TSPAN12: variants seen among roughly 807,000 people sequenced by gnomAD.
TSPAN12 encodes tetraspanin 12.
A neutral mutation model predicts 39.2 loss-of-function variants in TSPAN12; 19 were observed. The ratio of observed to expected loss-of-function variants is 0.49; its 90% CI spans 0.34 to 0.71. The LOEUF is 0.71. Ranked by LOEUF, TSPAN12 falls within the 30% of genes least tolerant of loss-of-function variation. The pLI, the probability that TSPAN12 is intolerant of heterozygous loss-of-function variation, is 0.01. For synonymous variants in TSPAN12, 119 were observed against 124.8 expected (o/e 0.95, Z 0.31); for missense variants, 314 against 359.9 (o/e 0.87, Z 1.03).
At chr7:120,853,493 T>TATATATATATATATAC (rs10639551) in intron 2 of TSPAN12, among the ~76,000 whole-genome samples, 1 of 145,918 alleles carries the variant, frequency 6.9e-6, no homozygotes, top group Admixed American at 6.9e-5. Context: ...TATATATATA[T>TATATATATATATATAC]ACACACACAT....
intron 1 of TSPAN12, chr7:120,857,137 G>C (rs539789682): frequency 1.7e-4 from 61 of 368,708 alleles, no homozygotes; most frequent in African/African-American, 1.2e-3. Context: ...GCATTCTGAT[G>C]AGACGCTCTT....
chr7:120,811,544 C>T (rs1012673382), intron 5 of TSPAN12, among the ~76,000 whole-genome samples: 1 of 150,028 alleles, frequency 6.7e-6, no homozygotes, highest in Non-Finnish European at 1.5e-5. Flanking sequence ...GTGGCGGGTG[C>T]CTGTAGTCCC....
chr7:120,809,654 G>T (rs1307873522), intron 6 of TSPAN12, among the ~76,000 whole-genome samples: 1 of 152,138 alleles, frequency 6.6e-6, no homozygotes, highest in Non-Finnish European at 1.5e-5. Flanking sequence ...ATCCATCTGG[G>T]AATGTCACTT....
intron 2 of TSPAN12, among the ~76,000 whole-genome samples, chr7:120,846,313 TAC>T (rs2116488819): frequency 6.6e-6 from 1 of 152,338 alleles, no homozygotes; most frequent in Admixed American, 6.5e-5. Context: ...AAAATTATTT[TAC>T]AGTTATAAAA....
At chr7:120,804,031 A>G (rs1163493961) in intron 7 of TSPAN12, among the ~76,000 whole-genome samples, 1 of 152,166 alleles carries the variant, frequency 6.6e-6, no homozygotes, top group African/African-American at 2.4e-5. Flanking sequence ...TCTCATGATC[A>G]ATAGTAGTTA....
At chr7:120,826,361 A>G (rs1217482863) in intron 4 of TSPAN12, among the ~76,000 whole-genome samples, 1 of 152,164 alleles carries the variant, frequency 6.6e-6, no homozygotes, top group Non-Finnish European at 1.5e-5. Flanking sequence ...AAAACATCGG[A>G]GCACACTAGA....
intron 1 of TSPAN12, chr7:120,857,038 C>A (rs1272385881): frequency 1.9e-6 from 1 of 539,902 alleles, no homozygotes; most frequent in Non-Finnish European, 3.3e-6. Context: ...TCAGATAACA[C>A]CTGCTGGGAA....
intron 2 of TSPAN12, among the ~76,000 whole-genome samples, chr7:120,848,753 T>C (rs1414604669): frequency 6.6e-6 from 1 of 152,190 alleles, no homozygotes; most frequent in African/African-American, 2.4e-5. Flanking sequence ...ATAAAATGGC[T>C]TTTTCTCAAG....
rs752819603 is a variant in TSPAN12, at chr7:120,838,783, A to G, written c.279T>C (p.Leu93=). Residue 93 remains leucine (L), a synonymous_variant, in exon 4 of 8, where the codon CTT becomes CTC. Transcript: ENST00000222747. ...CGTVKRNLLL[L]AWYFGSLLVI... is the part of the protein sequence containing the mutation. ...AGAAAATATAACATCATACCCATGC[A>G]AGAAGCAACAGATTTCTTTTCACCG... 7 of 1,613,808 alleles carry G rather than the reference A, an allele frequency of 4.3e-6. No individual in the cohort carries two copies. The South Asian group carries it at 7.7e-5, about 18-fold the overall frequency.
chr7:120,808,137 C>A (rs1034435804), intron 6 of TSPAN12, among the ~76,000 whole-genome samples: 11 of 152,070 alleles, frequency 7.2e-5, no homozygotes, highest in African/African-American at 2.7e-4. Flanking sequence ...GTGTTGATGA[C>A]AGAACAGTTC....
At chr7:120,824,815 C>T (rs1562946681) in intron 4 of TSPAN12, among the ~76,000 whole-genome samples, 1 of 152,124 alleles carries the variant, frequency 6.6e-6, no homozygotes, top group African/African-American at 2.4e-5. Context: ...TCTTCTCTAA[C>T]AAAGTCAATC....
In TSPAN12 at chr7:120,837,876, T is replaced by C. The variant is rs545584783; in HGVS notation, c.285+901A>G. On this transcript the variant is annotated intron_variant, in intron 4 of 7. Coordinates refer to ENST00000222747, the MANE Select transcript of TSPAN12 (RefSeq NM_012338.4). Reference sequence around the variant, plus strand: ...GTGATTTCATGTTGGTAACTTAAAATTGACCATGCTGGGAGAATTTACCCC... The same window carrying C: ...GTGATTTCATGTTGGTAACTTAAAACTGACCATGCTGGGAGAATTTACCCC... Among the ~76,000 whole-genome samples, 35 of 152,294 alleles carry C rather than the reference T, an allele frequency of 2.3e-4. No homozygotes were observed. The South Asian group carries it at 6.8e-3, about 30-fold the overall frequency.
chr7:120,848,137 T>A (rs1280072767), intron 2 of TSPAN12, among the ~76,000 whole-genome samples: 2 of 152,232 alleles, frequency 1.3e-5, no homozygotes, highest in Non-Finnish European at 2.9e-5. Context: ...TCTCATGTGC[T>A]GAGCAACATC....
Position 120,857,876 on chromosome 7 carries a change from CG to C in TSPAN12, c.-128del. ...CCTGGGGATAGTCGGGGACGCACGG[CG>C]GGGGCTCATCGGGGCAGGGAACTTC... is the stretch of plus-strand genomic sequence containing the variant. On this transcript the variant is annotated 5_prime_UTR_variant, in exon 1 of 8. An upstream open reading frame in the 5' UTR loses its in-frame stop. Coordinates refer to ENST00000222747, the MANE Select transcript of TSPAN12 (RefSeq NM_012338.4). The C allele has an allele frequency of 6.6e-6, 1 of 152,146 alleles. No individual in the cohort carries two copies. The highest frequency in any genetic ancestry group is 1.5e-5 in the Non-Finnish European group (1 of 68,154). The allele number at this position is 152,146 out of a possible 1,614,324, so 9.4% of individuals were successfully genotyped here. A position where few individuals can be genotyped will look rare whatever the true frequency, so the allele number is the denominator to read the frequency against.
intron 5 of TSPAN12, among the ~76,000 whole-genome samples, chr7:120,811,876 A>G (rs1420587766): frequency 1.3e-5 from 2 of 152,040 alleles, no homozygotes; most frequent in East Asian, 3.9e-4. Context: ...TAAGAATAAT[A>G]CAATGGACTT....
intron 4 of TSPAN12, among the ~76,000 whole-genome samples, chr7:120,831,521 A>T (rs948805254): frequency 6.6e-6 from 1 of 152,104 alleles, no homozygotes; most frequent in Non-Finnish European, 1.5e-5. Flanking sequence ...GGAGGACATT[A>T]TGTTAAGTGA....
chr7:120,847,442 T>C (rs1047156703), intron 2 of TSPAN12, among the ~76,000 whole-genome samples: 2 of 152,196 alleles, frequency 1.3e-5, no homozygotes, highest in Non-Finnish European at 2.9e-5. Context: ...GATATAACTA[T>C]CTATCATACT....
At chr7:120,792,939 C>T (rs996494075) in intron 7 of TSPAN12, among the ~76,000 whole-genome samples, 6 of 152,194 alleles carry the variant, frequency 3.9e-5, no homozygotes, top group African/African-American at 1.4e-4. Flanking sequence ...AGGGACTCCT[C>T]GCCTCACTAG....
chr7:120,848,383 G>T (rs996934684), intron 2 of TSPAN12, among the ~76,000 whole-genome samples: 1 of 152,176 alleles, frequency 6.6e-6, no homozygotes, highest in Non-Finnish European at 1.5e-5. Flanking sequence ...CCTAATATAG[G>T]TTAGGTGAGT....
Sources: allele counts gnomAD v4.1 joint callset (sites outside exome capture counted in the v4.1 genomes callset), GRCh38; gene constraint gnomAD v4.1.1; transcripts MANE v1.5; gene names NCBI Gene and HGNC (gene_info 2026-07-23, HGNC 2026-07-21).